The following ATP6V1A variants were observed in gnomAD, a reference collection of about 807,000 sequenced individuals.
The protein encoded by ATP6V1A is V-type proton ATPase catalytic subunit A.
In ATP6V1A, 18 loss-of-function variants were observed where a neutral mutation model predicts 70.1. The observed-to-expected ratio is 0.26, with a 90% CI of 0.18 to 0.38. The LOEUF (loss-of-function observed/expected upper bound fraction) is 0.38, where lower values mean the gene tolerates loss of function less well. Ranked by LOEUF, ATP6V1A falls within the 10% of genes least tolerant of loss-of-function variation. ATP6V1A has a pLI of 1.00. For missense variants in ATP6V1A, 424 were observed against 772.4 expected (o/e 0.55, Z 5.35); for synonymous variants, 232 against 253.8 (o/e 0.91, Z 0.82).
intron 12 of ATP6V1A, among the ~76,000 whole-genome samples, chr3:113,802,309 A>G (rs1322653971): frequency 1.3e-5 from 2 of 152,174 alleles, no homozygotes; most frequent in African/African-American, 4.8e-5. Context: ...TATTTCAAGA[A>G]AAGAACATCA....
At chr3:113,795,992 C>A in intron 11 of ATP6V1A, 53 bp downstream of exon 11, 1 of 1,434,952 alleles carries the variant, frequency 7.0e-7, no homozygotes, top group Non-Finnish European at 9.6e-7. Context: ...CTCTCTGCAG[C>A]CCCTGCTGTT....
chr3:113,784,416 T>C lies in ATP6V1A; in HGVS notation c.404T>C (p.Phe135Ser). The part of the protein sequence containing the change: ...SALSRDIKWD[F>S]TPCKNLRVGS... ...CTTAGCAGAGATATCAAATGGGACTTTACACCTTGCAAAAACCTACGGGTA... is the reference window on the plus strand; with the variant it reads ...CTTAGCAGAGATATCAAATGGGACTCTACACCTTGCAAAAACCTACGGGTA... Residue 135 changes from phenylalanine to serine, a missense_variant, in exon 4 of 15, where the codon TTT (phenylalanine) becomes TCT (serine). By Grantham distance (155) the Phe-to-Ser change is radical (BLOSUM62 -2). Coordinates refer to ENST00000273398, the MANE Select transcript of ATP6V1A (RefSeq NM_001690.4). 6.2e-7 allele frequency: 1 copy of C among 1,613,558 alleles called. No individual in the cohort carries two copies.
chr3:113,756,599 A>G (rs575749321), intron 1 of ATP6V1A, among the ~76,000 whole-genome samples: 85 of 152,354 alleles, frequency 5.6e-4, no homozygotes, highest in African/African-American at 2.0e-3. Context: ...GAATTAATGT[A>G]ACAATGTCAG....
At chr3:113,753,537 A>C (rs1014415220) in intron 1 of ATP6V1A, among the ~76,000 whole-genome samples, 2 of 152,200 alleles carry the variant, frequency 1.3e-5, no homozygotes, top group African/African-American at 4.8e-5. Flanking sequence ...AAAAACGTGG[A>C]AACAAAGGGA....
At chr3:113,797,798 T>C (rs1577094619) in intron 11 of ATP6V1A, among the ~76,000 whole-genome samples, 2 of 152,212 alleles carry the variant, frequency 1.3e-5, no homozygotes, top group African/African-American at 4.8e-5. Context: ...TTAATTTTAC[T>C]TAGTATATAC....
chr3:113,776,375 C>CA (rs572667193), intron 1 of ATP6V1A, among the ~76,000 whole-genome samples: 22 of 152,068 alleles, frequency 1.4e-4, no homozygotes, highest in Non-Finnish European at 2.9e-4. Flanking sequence ...CTCAAAAAAA[C>CA]AAAAACAAAA....
intron 14 of ATP6V1A, among the ~76,000 whole-genome samples, chr3:113,808,899 C>T (rs1308879721): frequency 6.6e-6 from 1 of 152,082 alleles, no homozygotes. Flanking sequence ...AGTTTTACCT[C>T]CTGCCTGTGG....
intron 3 of ATP6V1A, among the ~76,000 whole-genome samples, chr3:113,782,557 C>CGTGTATATATATAT (rs1708988796): frequency 3.0e-5 from 4 of 133,250 alleles, no homozygotes; most frequent in African/African-American, 1.1e-4. Flanking sequence ...TATATATATA[C>CGTGTATATATATAT]ATGTGTATAT....
At chr3:113,788,270 A>T (rs1041198487) in intron 6 of ATP6V1A, among the ~76,000 whole-genome samples, 2 of 151,914 alleles carry the variant, frequency 1.3e-5, no homozygotes, top group Non-Finnish European at 2.9e-5. Context: ...AATATATTTC[A>T]TAGTGCTTTT....
intron 6 of ATP6V1A, among the ~76,000 whole-genome samples, chr3:113,787,261 G>A (rs150744466): frequency 1.4e-4 from 22 of 152,306 alleles, no homozygotes; most frequent in African/African-American, 5.3e-4. Flanking sequence ...AATCTCTGTA[G>A]TCATCACGGG....
intron 10 of ATP6V1A, among the ~76,000 whole-genome samples, chr3:113,795,463 T>A (rs1709143891): frequency 6.6e-6 from 1 of 151,642 alleles, no homozygotes. Flanking sequence ...TATTTAATTT[T>A]TATAATTTAG....
intron 1 of ATP6V1A, among the ~76,000 whole-genome samples, chr3:113,758,311 A>G (rs984547701): frequency 2.6e-5 from 4 of 152,214 alleles, no homozygotes; most frequent in Admixed American, 6.5e-5. Flanking sequence ...TAAAGTATAC[A>G]GTTGGATAAG....
chr3:113,791,462 G>A (rs1206365468), intron 8 of ATP6V1A, among the ~76,000 whole-genome samples: 1 of 148,690 alleles, frequency 6.7e-6, no homozygotes, highest in East Asian at 2.0e-4. Flanking sequence ...GACCATCATT[G>A]TATTCTTCTC....
In ATP6V1A at chr3:113,805,375, A is replaced by G. The variant is rs777998721; in HGVS notation, c.1611A>G (p.Thr537=). Residue 537 remains threonine, a synonymous_variant, in exon 14 of 15, where the codon ACA becomes ACG. Transcript: ENST00000273398. ...CTAGGTTCTGCCCATTCTACAAGAC[A>G]GTAGGGATGCTGTCCAACATGATTG... ...PYDRFCPFYK[T]VGMLSNMIAF... 1.2e-6 allele frequency: 2 copies of G among 1,614,108 alleles called. No homozygotes were observed.
At position 113,795,859 on chromosome 3, in the gene ATP6V1A, ATT is replaced by A; in HGVS notation, c.1227-10_1227-9del. The stretch of plus-strand genomic sequence containing the variant: ...TGACCATTTTTTTTGTAATGACCAT[ATT>A]TTTTTTAAATTTAGAGTTTCTCCAC... On this transcript the variant is annotated splice_polypyrimidine_tract_variant and intron_variant, in intron 10 of 14. Coordinates refer to ENST00000273398, the MANE Select transcript of ATP6V1A (RefSeq NM_001690.4). 1 of 1,593,614 alleles carries A rather than the reference ATT, an allele frequency of 6.3e-7. No homozygotes were observed.
At chr3:113,779,150 G>A (rs921373167) in intron 2 of ATP6V1A, 2 of 188,560 alleles carry the variant, frequency 1.1e-5, no homozygotes, top group Non-Finnish European at 2.2e-5. Context: ...AAACTATGAA[G>A]TTTATAGCTT....
intron 1 of ATP6V1A, among the ~76,000 whole-genome samples, chr3:113,761,527 G>A (rs939176701): frequency 4.6e-5 from 7 of 151,328 alleles, no homozygotes; most frequent in African/African-American, 1.5e-4. Context: ...ACCTGAGGTC[G>A]GGAGTTCAAG....
Position 113,810,451 on chromosome 3 carries a change from A to G in ATP6V1A, c.*1024A>G, listed in dbSNP as rs2108049666. The G allele has an allele frequency of 6.6e-6, 1 of 152,326 alleles. No individual in the cohort carries two copies. The highest frequency in any genetic ancestry group is 1.9e-4 in the East Asian group (1 of 5,182). 9.4% of individuals were successfully genotyped at this position (152,326 alleles called of 1,614,324 possible). A position where few individuals can be genotyped will look rare whatever the true frequency, so the allele number is the denominator to read the frequency against. On this transcript the variant is annotated 3_prime_UTR_variant, in exon 15 of 15. Transcript: ENST00000273398. Reference sequence around the variant, plus strand: ...ATCAGGCGGTCAAACTTAGAGCAACATTGTCTTATTAAAGCATAGTTTATT... The same window carrying G: ...ATCAGGCGGTCAAACTTAGAGCAACGTTGTCTTATTAAAGCATAGTTTATT...
intron 14 of ATP6V1A, among the ~76,000 whole-genome samples, chr3:113,805,831 A>G (rs1709270287): frequency 6.6e-6 from 1 of 152,198 alleles, no homozygotes; most frequent in Non-Finnish European, 1.5e-5. Flanking sequence ...GGCCTCACAA[A>G]GTGCAATGCT....
Sources: gnomAD v4.1 joint callset for allele counts (sites outside exome capture counted in the v4.1 genomes callset) on GRCh38, gnomAD v4.1.1 for gene constraint, MANE v1.5 for transcripts, NCBI Gene and HGNC (gene_info 2026-07-23, HGNC 2026-07-21) for gene names.